The following ZNF608 variants were observed in gnomAD, a reference collection of about 807,000 sequenced individuals.
ZNF608 encodes zinc finger protein 608, also known as renal carcinoma antigen NY-REN-36.
ZNF608 carries 12 observed loss-of-function variants against 109.0 expected under a neutral mutation model. That is an observed-to-expected ratio of 0.11 (90% confidence interval 0.07 to 0.18). The LOEUF is 0.18. ZNF608 is among the 10% of genes least tolerant of loss of function. The probability of loss-of-function intolerance (pLI) is 1.00; values close to 1 mark genes in which losing one functional copy is unlikely to be tolerated. For synonymous variants in ZNF608, 732 were observed against 717.4 expected (o/e 1.02, Z -0.33); for missense variants, 1,707 against 1,879.3 (o/e 0.91, Z 1.70).
chr5:124,703,248 G>A (rs1753126653), intron 2 of ZNF608, among the ~76,000 whole-genome samples: 1 of 152,070 alleles, frequency 6.6e-6, no homozygotes, highest in South Asian at 2.1e-4. Flanking sequence ...AATACCAAGA[G>A]AACAAACGTA....
At chr5:124,709,227 G>A (rs1753393246) in intron 2 of ZNF608, among the ~76,000 whole-genome samples, 1 of 150,142 alleles carries the variant, frequency 6.7e-6, no homozygotes, top group Admixed American at 6.8e-5. Flanking sequence ...CTGCTTTGGG[G>A]TGGAGAGGAA....
intron 2 of ZNF608, among the ~76,000 whole-genome samples, chr5:124,703,256 G>A (rs1039617575): frequency 2.0e-5 from 3 of 152,078 alleles, no homozygotes; most frequent in African/African-American, 7.2e-5. Flanking sequence ...GAGAACAAAC[G>A]TAGCTTGAAT....
chr5:124,659,735 G>T (rs1026737204), intron 3 of ZNF608, among the ~76,000 whole-genome samples: 9 of 152,282 alleles, frequency 5.9e-5, no homozygotes, highest in African/African-American at 1.7e-4. Context: ...TACAACTACA[G>T]ATTATAGGAC....
At chr5:124,656,799 A>AAC (rs35634231) in intron 3 of ZNF608, among the ~76,000 whole-genome samples, 12,213 of 123,736 alleles carry the variant, frequency 0.099, 643 homozygotes, top group Admixed American at 0.15. Flanking sequence ...ATAAGCCCTA[A>AAC]ACACACACAC....
In ZNF608 at chr5:124,648,430, T is replaced by C. The variant is rs1033513646; in HGVS notation, c.1954A>G (p.Ile652Val). Residue 652 changes from isoleucine to valine, a missense_variant, in exon 5 of 10, where the codon ATT becomes GTT. By Grantham distance (29) the Ile-to-Val change is conservative (BLOSUM62 3). Coordinates refer to ENST00000513986, the MANE Select transcript of ZNF608 (RefSeq NM_020747.3). ...ELMSNGPGSI[I>V]GAKAGKNSGK... ...GAATTCTTCCCAGCTTTAGCACCAA[T>C]AATGGAACCTGGGCCATTGCTCATC... The C allele has an allele frequency of 6.2e-7, 1 of 1,614,074 alleles. No individual in the cohort carries two copies. Among genetic ancestry groups the C allele is most frequent in the Non-Finnish European group, 8.5e-7 (1 of 1,180,046 alleles).
chr5:124,647,098 C>T lies in ZNF608; in HGVS notation c.3286G>A (p.Ala1096Thr). The T allele has an allele frequency of 6.2e-7, 1 of 1,614,146 alleles. No individual in the cohort carries two copies. Among genetic ancestry groups the T allele is most frequent in the South Asian group, 1.1e-5 (1 of 91,076 alleles). ...TGCTGTCTATAGGCAGGGCTGGTGG[C>T]CATCAGAGACTTCTGGTCCATATAG... ...GLYMDQKSLMATSPAYRQQYE... is the reference protein window; with the variant it reads ...GLYMDQKSLMTTSPAYRQQYE... Residue 1096 changes from alanine (A) to threonine (T), a missense_variant, in exon 5 of 10, where the codon GCC becomes ACC. By Grantham distance (58) the Ala-to-Thr change is moderately conservative (BLOSUM62 0). Coordinates refer to ENST00000513986, the MANE Select transcript of ZNF608 (RefSeq NM_020747.3).
intron 3 of ZNF608, among the ~76,000 whole-genome samples, chr5:124,676,934 G>A (rs1751969391): frequency 6.6e-6 from 1 of 152,070 alleles, no homozygotes; most frequent in South Asian, 2.1e-4. Context: ...TATGTAGGGA[G>A]GGCAACAACC....
chr5:124,732,974 T>A (rs1242053266), intron 2 of ZNF608, among the ~76,000 whole-genome samples: 1 of 151,906 alleles, frequency 6.6e-6, no homozygotes, highest in African/African-American at 2.4e-5. Flanking sequence ...GCTTAAAAGA[T>A]GCACTTGGCT....
At chr5:124,738,168 G>A (rs4629598) in intron 2 of ZNF608, among the ~76,000 whole-genome samples, 125,059 of 152,156 alleles carry the variant, frequency 0.82, 51,421 homozygotes, top group East Asian at 0.88. Context: ...TCTAATGACA[G>A]TCTAAGTCAT....
chr5:124,695,906 G>A lies in ZNF608; in HGVS notation c.1162+5108C>T, dbSNP rs541738137. 7.6e-4 allele frequency among the ~76,000 whole-genome samples: 115 copies of A among 152,134 alleles called. 1 individual carries two copies. The highest frequency in any genetic ancestry group is 2.2e-3 in the African/African-American group (93 of 41,500). On this transcript the variant is annotated intron_variant, in intron 3 of 9. Transcript: ENST00000513986. Reference sequence around the variant, plus strand: ...GATTTAAAAGAGAATCATTTCGGCCGGGCGGGGTGGCTCACGCCTGTAATC... The same window carrying A: ...GATTTAAAAGAGAATCATTTCGGCCAGGCGGGGTGGCTCACGCCTGTAATC...
intron 2 of ZNF608, among the ~76,000 whole-genome samples, chr5:124,732,661 C>G (rs913667963): frequency 1.3e-5 from 2 of 151,998 alleles, no homozygotes; most frequent in Non-Finnish European, 2.9e-5. Flanking sequence ...TATTCAGAAA[C>G]AGGGCTACTA....
At chr5:124,694,132 C>T (rs1425671728) in intron 3 of ZNF608, among the ~76,000 whole-genome samples, 7 of 138,848 alleles carry the variant, frequency 5.0e-5, no homozygotes, top group Non-Finnish European at 9.2e-5. Context: ...CCCGCCACCA[C>T]GCTCGGCTAA....
At chr5:124,740,683 C>A (rs895931188) in intron 2 of ZNF608, among the ~76,000 whole-genome samples, 1 of 152,156 alleles carries the variant, frequency 6.6e-6, no homozygotes, top group Non-Finnish European at 1.5e-5. Flanking sequence ...CATTTGTAGA[C>A]ACCACCTTTA....
intron 2 of ZNF608, among the ~76,000 whole-genome samples, chr5:124,705,589 T>C (rs1753227724): frequency 6.6e-6 from 1 of 152,186 alleles, no homozygotes; most frequent in Non-Finnish European, 1.5e-5. Flanking sequence ...TATATCCTAC[T>C]ATATTTAACA....
intron 2 of ZNF608, among the ~76,000 whole-genome samples, chr5:124,727,471 T>G (rs2149887453): frequency 6.6e-6 from 1 of 152,208 alleles, no homozygotes; most frequent in Non-Finnish European, 1.5e-5. Flanking sequence ...GTTAGAAATA[T>G]GCAGAAATTC....
chr5:124,724,088 G>A (rs999440177), intron 2 of ZNF608, among the ~76,000 whole-genome samples: 5 of 152,104 alleles, frequency 3.3e-5, no homozygotes, highest in Non-Finnish European at 5.9e-5. Flanking sequence ...GAATGCAAAC[G>A]GATGCAATCA....
chr5:124,726,510 T>C (rs1754144810), intron 2 of ZNF608, among the ~76,000 whole-genome samples: 2 of 152,078 alleles, frequency 1.3e-5, no homozygotes, highest in Admixed American at 1.3e-4. Flanking sequence ...ACGTGACCAT[T>C]TCTTGCCACT....
At chr5:124,711,365 G>A (rs1753481929) in intron 2 of ZNF608, among the ~76,000 whole-genome samples, 1 of 152,196 alleles carries the variant, frequency 6.6e-6, no homozygotes, top group African/African-American at 2.4e-5. Context: ...ATTTTGACAT[G>A]ACCATATACT....
chr5:124,730,373 G>A (rs959924385), intron 2 of ZNF608, among the ~76,000 whole-genome samples: 3 of 152,208 alleles, frequency 2.0e-5, no homozygotes, highest in Admixed American at 6.5e-5. Flanking sequence ...ACAAGGGCAA[G>A]TGATTTCGTG....
Sources: gnomAD v4.1 joint callset for allele counts (sites outside exome capture counted in the v4.1 genomes callset) on GRCh38, gnomAD v4.1.1 for gene constraint, MANE v1.5 for transcripts, NCBI Gene and HGNC (gene_info 2026-07-23, HGNC 2026-07-21) for gene names.